The following UTRN variants were observed in gnomAD, a reference collection of about 807,000 sequenced individuals.
The protein encoded by UTRN is utrophin.
A neutral mutation model predicts 463.9 loss-of-function variants in UTRN; 283 were observed. The observed-to-expected ratio is 0.61, with a 90% confidence interval of 0.55 to 0.67. The LOEUF (loss-of-function observed/expected upper bound fraction) is 0.67. UTRN is among the 30% of genes least tolerant of loss of function. The pLI, the probability that UTRN is intolerant of heterozygous loss-of-function variation, is 0.00. For missense variants in UTRN, 3,922 were observed against 4,084.3 expected (o/e 0.96, Z 1.08); for synonymous variants, 1,442 against 1,431.5 (o/e 1.01, Z -0.17).
intron 23 of UTRN, among the ~76,000 whole-genome samples, chr6:144,472,414 A>T (rs1790754661): frequency 6.6e-6 from 1 of 151,936 alleles, no homozygotes; most frequent in Non-Finnish European, 1.5e-5. Flanking sequence ...AATAATGCTC[A>T]CAAATGAACA....
chr6:144,690,134 GCTAC>G lies in UTRN; in HGVS notation c.7653-9951_7653-9948del, dbSNP rs567622403. ...GTGTGTGTGTGTGTGTGTGTGTTAAGCTACCAGGAGGAGTGAAGGGGCAAAACCA... is the reference window on the plus strand; with the variant it reads ...GTGTGTGTGTGTGTGTGTGTGTTAAGCAGGAGGAGTGAAGGGGCAAAACCA... On this transcript the variant is annotated intron_variant, in intron 52 of 74. Coordinates refer to ENST00000367545, the MANE Select transcript of UTRN (RefSeq NM_007124.3). Among the ~76,000 whole-genome samples, 75 of 86,926 alleles carry G rather than the reference GCTAC, an allele frequency of 8.6e-4. 1 individual carries two copies. Among genetic ancestry groups the G allele is most frequent in the African/African-American group, 3.7e-3 (73 of 19,912 alleles). 57.0% of individuals were successfully genotyped at this position (86,926 alleles called of 152,430 possible). A position where few individuals can be genotyped will look rare whatever the true frequency, so the allele number is the denominator to read the frequency against.
At chr6:144,686,431 C>G (rs1286233903) in intron 52 of UTRN, among the ~76,000 whole-genome samples, 1 of 152,008 alleles carries the variant, frequency 6.6e-6, no homozygotes, top group African/African-American at 2.4e-5. Flanking sequence ...AGTTTAAGTC[C>G]AGTGTTTCTT....
chr6:144,511,063 C>T lies in UTRN; in HGVS notation c.4884C>T (p.Val1628=). 6 of 1,611,682 alleles carry T rather than the reference C, an allele frequency of 3.7e-6. No individual in the cohort carries two copies. The South Asian group carries it at 4.4e-5, about 12-fold the overall frequency. The change falls in exon 35 of 75, where the codon GTC becomes GTT. Residue 1628 remains valine, a synonymous_variant. Transcript: ENST00000367545. ...CTATTTTAGAAGAGAGGCTCTGCGT[C>T]CTTAACGCTGGGTGGAGCCGAGTTC... ...SEPILEERLC[V]LNAGWSRVRT...
At chr6:144,742,616 G>A (rs1790234916) in intron 54 of UTRN, among the ~76,000 whole-genome samples, 1 of 152,110 alleles carries the variant, frequency 6.6e-6, no homozygotes, top group South Asian at 2.1e-4. Context: ...AAGCCTCCCA[G>A]AGCTAGTTAT....
At chr6:144,746,137 A>C (rs1031020042) in intron 54 of UTRN, among the ~76,000 whole-genome samples, 1 of 151,798 alleles carries the variant, frequency 6.6e-6, no homozygotes, top group Non-Finnish European at 1.5e-5. Context: ...AGCAGCTGGG[A>C]CTACAGGCAT....
intron 36 of UTRN, 24 bp downstream of exon 36, chr6:144,514,061 CGCTTTT>C: frequency 6.2e-7 from 1 of 1,612,558 alleles, no homozygotes; most frequent in Non-Finnish European, 8.5e-7. Context: ...ACATCAGTAA[CGCTTTT>C]GGGAGTGGCA....
intron 2 of UTRN, among the ~76,000 whole-genome samples, chr6:144,335,146 G>C (rs1476683521): frequency 6.6e-6 from 1 of 152,168 alleles, no homozygotes; most frequent in Non-Finnish European, 1.5e-5. Flanking sequence ...TAGATAGACA[G>C]ATTTACTACT....
chr6:144,539,973 G>A (rs1422786933), intron 45 of UTRN, among the ~76,000 whole-genome samples: 3 of 151,128 alleles, frequency 2.0e-5, no homozygotes, highest in African/African-American at 7.3e-5. Context: ...TACCTGGGAG[G>A]TGGAGGTTGC....
chr6:144,521,955 A>ATTT lies in UTRN; in HGVS notation c.5542-16_5542-14dup, dbSNP rs202042745. On this transcript the variant is annotated intron_variant, in intron 39 of 74. Transcript: ENST00000367545. ...TTAAGAGATATATATATATATATATATTTTTTTTTTTGCTGTTTTTGTAGG... is the reference window on the plus strand; with the variant it reads ...TTAAGAGATATATATATATATATATATTTTTTTTTTTTTTGCTGTTTTTGTAGG... The ATTT allele has an allele frequency of 3.2e-3, 3,042 of 941,168 alleles. 73 individuals carry two copies. The highest frequency in any genetic ancestry group is 8.0e-3 in the South Asian group (264 of 33,206). 58.3% of individuals were successfully genotyped at this position (941,168 alleles called of 1,614,324 possible).
At chr6:144,601,825 A>G (rs1804280304) in intron 51 of UTRN, among the ~76,000 whole-genome samples, 1 of 152,178 alleles carries the variant, frequency 6.6e-6, no homozygotes, top group African/African-American at 2.4e-5. Flanking sequence ...CAGTGAATGG[A>G]GCAGACATCA....
intron 55 of UTRN, 122 bp downstream of exon 55, chr6:144,748,636 A>AC: frequency 7.6e-7 from 1 of 1,308,674 alleles, no homozygotes; most frequent in Non-Finnish European, 1.0e-6. Flanking sequence ...CGCCGCTGCA[A>AC]CCCCACCCAT....
At chr6:144,794,655 C>G (rs1406026311) in intron 63 of UTRN, among the ~76,000 whole-genome samples, 1 of 152,128 alleles carries the variant, frequency 6.6e-6, no homozygotes, top group Non-Finnish European at 1.5e-5. Context: ...ACTGTTGTAT[C>G]CTGTCTTAGT....
intron 34 of UTRN, among the ~76,000 whole-genome samples, chr6:144,504,852 A>G (rs1244726197): frequency 6.6e-6 from 1 of 152,150 alleles, no homozygotes; most frequent in African/African-American, 2.4e-5. Flanking sequence ...TCCTCTTAGT[A>G]TCTCTGGTAG....
At chr6:144,330,927 G>T in intron 2 of UTRN, 1 of 985,422 alleles carries the variant, frequency 1.0e-6, no homozygotes, top group Non-Finnish European at 1.2e-6. Context: ...TGGTTTGGGA[G>T]TCTTAACTAC....
intron 26 of UTRN, 28 bp from the exon 27 acceptor site, chr6:144,482,181 C>A: frequency 7.2e-7 from 1 of 1,394,580 alleles, no homozygotes. Flanking sequence ...AGACGTTTTT[C>A]AAGTTCATCC....
intron 53 of UTRN, among the ~76,000 whole-genome samples, chr6:144,727,594 T>TA (rs899146767): frequency 6.6e-6 from 1 of 151,836 alleles, no homozygotes; most frequent in Non-Finnish European, 1.5e-5. Flanking sequence ...CCATCTCTAC[T>TA]AAAAATACAA....
chr6:144,822,442 A>G (rs1238456884), intron 66 of UTRN, among the ~76,000 whole-genome samples: 6 of 152,152 alleles, frequency 3.9e-5, no homozygotes, highest in African/African-American at 1.4e-4. Context: ...AAAAATTTCA[A>G]CTGTGTGATT....
intron 51 of UTRN, among the ~76,000 whole-genome samples, chr6:144,657,348 G>A (rs1008934426): frequency 9.2e-5 from 14 of 151,806 alleles, no homozygotes; most frequent in African/African-American, 2.2e-4. Flanking sequence ...GGGAGTTTTC[G>A]GTAAGTGTCA....
At chr6:144,309,049 A>G (rs539354250) in intron 2 of UTRN, among the ~76,000 whole-genome samples, 5 of 152,322 alleles carry the variant, frequency 3.3e-5, no homozygotes, top group South Asian at 4.1e-4. Context: ...GCCTGTTCTC[A>G]GTCCTTACCT....
Sources: allele counts gnomAD v4.1 joint callset (sites outside exome capture counted in the v4.1 genomes callset), GRCh38; gene constraint gnomAD v4.1.1; transcripts MANE v1.5; gene names NCBI Gene and HGNC (gene_info 2026-07-23, HGNC 2026-07-21).